Variants in RAPGEFL1 observed in about 807,000 individuals in gnomAD.
The protein encoded by RAPGEFL1 is rap guanine nucleotide exchange factor-like 1.
A neutral mutation model predicts 64.4 loss-of-function variants in RAPGEFL1; 31 were observed. That is an observed-to-expected ratio of 0.48 (90% CI 0.36 to 0.65). The LOEUF (loss-of-function observed/expected upper bound fraction) is 0.65, where lower values mean the gene tolerates loss of function less well. RAPGEFL1 is among the 30% of genes least tolerant of loss of function. The pLI is 0.00. For missense variants in RAPGEFL1, 682 were observed against 677.4 expected, an observed-to-expected ratio of 1.01 and a Z score of -0.08; for synonymous variants, 331 against 274.1, an observed-to-expected ratio of 1.21 and a Z score of -2.05.
chr17:40,181,190 G>A, intron 1 of RAPGEFL1: 1 of 391,838 alleles, frequency 2.6e-6, no homozygotes, highest in Non-Finnish European at 5.2e-6. Flanking sequence ...ATGGGGAGGG[G>A]AAGAGGGATA....
intron 1 of RAPGEFL1, among the ~76,000 whole-genome samples, chr17:40,180,615 C>A (rs575510650): frequency 1.3e-5 from 2 of 152,300 alleles, no homozygotes; most frequent in South Asian, 4.1e-4. Context: ...GAGAAAAGGA[C>A]AAAGACTCAG....
upstream of RAPGEFL1, chr17:40,177,136 A>T: frequency 4.3e-6 from 3 of 702,624 alleles, no homozygotes. Context: ...AGTATGAGAA[A>T]GGTGCACACT....
chr17:40,191,781 G>C lies in RAPGEFL1; in HGVS notation c.1605+109G>C. On this transcript the variant is annotated intron_variant, in intron 10 of 14. Coordinates refer to ENST00000620260, the MANE Select transcript of RAPGEFL1 (RefSeq NM_016339.6). This position sits in a 1 kb window ranked among gnomAD's most constrained non-coding sequence, Gnocchi z 5.1. ...CTGGAGGGAGTCTTTGCGCCAGTTG[G>C]AGGGAGGCGCCCTCTTCTGGCATAC... 1 of 1,119,174 alleles carries C rather than the reference G, an allele frequency of 8.9e-7. No homozygotes were observed. 69.3% of individuals were successfully genotyped at this position (1,119,174 alleles called of 1,614,324 possible).
At position 40,191,979 on chromosome 17, in the gene RAPGEFL1, A is replaced by G. The variant is rs565572592; in HGVS notation, c.1606-234A>G. Among the ~76,000 whole-genome samples, 1 of 152,294 alleles carries G rather than the reference A, an allele frequency of 6.6e-6. No individual in the cohort carries two copies. The highest frequency in any genetic ancestry group is 2.1e-4 in the South Asian group (1 of 4,826). The stretch of plus-strand genomic sequence containing the variant: ...CACTCAGTGGGGGCATCTTTATACA[A>G]AGCACCTGCATAAGACAGACCTGGC... On this transcript the variant is annotated intron_variant, in intron 10 of 14. Coordinates refer to ENST00000620260, the MANE Select transcript of RAPGEFL1 (RefSeq NM_016339.6). This position sits in a 1 kb window ranked among gnomAD's most constrained non-coding sequence, Gnocchi z 5.1.
At position 40,185,540 on chromosome 17, in the gene RAPGEFL1, A is replaced by AAAT. The variant is rs368909635; in HGVS notation, c.833+862_833+863insAAT. Among the ~76,000 whole-genome samples, 46 of 147,426 alleles carry AAAT rather than the reference A, an allele frequency of 3.1e-4. 1 individual carries two copies. The highest frequency in any genetic ancestry group is 1.1e-3 in the African/African-American group (44 of 38,694). ...ACTACAAAAAAAAAAAAAAAAAAAA[A>AAAT]GGCTGTGTGCCAAGGCAGGCAGATC... On this transcript the variant is annotated intron_variant, in intron 4 of 14. Transcript: ENST00000620260.
At chr17:40,186,484 C>A (rs549505838) in intron 4 of RAPGEFL1, among the ~76,000 whole-genome samples, 1 of 141,520 alleles carries the variant, frequency 7.1e-6, no homozygotes, top group East Asian at 2.3e-4. Context: ...AGGAGAATGG[C>A]GTGAACCCGG....
In RAPGEFL1 at chr17:40,188,693, G is replaced by A. The variant is rs1990159104; in HGVS notation, c.834-173G>A. On this transcript the variant is annotated intron_variant, in intron 4 of 14. Transcript: ENST00000620260. ...GGTGGCATTTGATTAGGGTTACTTG[G>A]ATAATTATCCCATACTGCTCATTGT... is the stretch of plus-strand genomic sequence containing the variant. 13 of 610,960 alleles carry A rather than the reference G, an allele frequency of 2.1e-5. No individual in the cohort carries two copies. The South Asian group carries it at 2.5e-4, about 12-fold the overall frequency. The allele number at this position is 610,960 out of a possible 1,614,324, so 37.8% of individuals were successfully genotyped here.
intron 10 of RAPGEFL1, 89 bp from the exon 11 acceptor site, chr17:40,192,124 C>A: frequency 7.9e-7 from 1 of 1,258,928 alleles, no homozygotes; most frequent in Non-Finnish European, 1.2e-6. Flanking sequence ...GGCCCTTTTG[C>A]CCTCCAACAG....
At chr17:40,186,417 A>C (rs1212144730) in intron 4 of RAPGEFL1, among the ~76,000 whole-genome samples, 1 of 149,306 alleles carries the variant, frequency 6.7e-6, no homozygotes, top group Non-Finnish European at 1.5e-5. Flanking sequence ...AAATACAAAA[A>C]ATTAGCCGGG....
rs1312074467 is a variant in RAPGEFL1, at chr17:40,191,554, C to T, written c.1515-28C>T. On this transcript the variant is annotated intron_variant, in intron 9 of 14. Coordinates refer to ENST00000620260, the MANE Select transcript of RAPGEFL1 (RefSeq NM_016339.6). The surrounding 1 kb of genome is among the most constrained non-coding windows in gnomAD (Gnocchi z 5.1). ...GGCCGGAGGCCCGCGCCGCCGCCCG[C>T]CCCTGACCCCGCCTCCCACCCCCGC... 6.4e-7 allele frequency: 1 copy of T among 1,569,714 alleles called. No homozygotes were observed. Among genetic ancestry groups the T allele is most frequent in the East Asian group, 2.3e-5 (1 of 42,792 alleles).
chr17:40,183,518 C>CTTTT (rs760848897), intron 2 of RAPGEFL1, among the ~76,000 whole-genome samples: 3 of 130,162 alleles, frequency 2.3e-5, no homozygotes, highest in Non-Finnish European at 5.0e-5. Flanking sequence ...CTTTTCTTTT[C>CTTTT]TTTTTTTTTT....
At position 40,177,613 on chromosome 17, in the gene RAPGEFL1, G is replaced by T; in HGVS notation, c.-249G>T. 2.6e-6 allele frequency: 1 copy of T among 390,374 alleles called. No individual in the cohort carries two copies. Among genetic ancestry groups the T allele is most frequent in the East Asian group, 3.9e-5 (1 of 25,346 alleles). 24.2% of individuals were successfully genotyped at this position (390,374 alleles called of 1,614,324 possible). ...CCGCAGCCTGCCCACTCTTCGGGCC[G>T]CGTGCCGGCTGCAGCCGGCATGGGG... On this transcript the variant is annotated 5_prime_UTR_variant, in exon 1 of 15. Coordinates refer to ENST00000620260, the MANE Select transcript of RAPGEFL1 (RefSeq NM_016339.6).
chr17:40,178,541 G>A (rs1477504663), intron 1 of RAPGEFL1, among the ~76,000 whole-genome samples, 160 bp downstream of exon 1: 1 of 152,160 alleles, frequency 6.6e-6, no homozygotes, highest in Admixed American at 6.5e-5. Context: ...AGACCCTCCC[G>A]CGGAAGAGGA....
In RAPGEFL1 at chr17:40,178,042, C is replaced by A; in HGVS notation, c.181C>A (p.Arg61Ser). 2 of 591,182 alleles carry A rather than the reference C, an allele frequency of 3.4e-6. No individual in the cohort carries two copies. The highest frequency in any genetic ancestry group is 6.0e-6 in the Non-Finnish European group (2 of 335,628). The allele number at this position is 591,182 out of a possible 1,614,324, so 36.6% of individuals were successfully genotyped here. The change falls in exon 1 of 15, where the codon CGC becomes AGC. Residue 61 changes from arginine (R) to serine (S), a missense_variant. By Grantham distance (110) the Arg-to-Ser change is moderately radical (BLOSUM62 -1). This residue lies in a region of RAPGEFL1 where 271 missense variants were observed against 158.0 expected (regional missense o/e 1.72). Transcript: ENST00000620260. ...RSLQRRQSVS[R>S]LLLPAFLREP... Reference sequence around the variant, plus strand: ...GTTGCAGCGGCGTCAGAGCGTGTCTCGCCTGCTGCTCCCCGCTTTCCTCCG... The same window carrying A: ...GTTGCAGCGGCGTCAGAGCGTGTCTAGCCTGCTGCTCCCCGCTTTCCTCCG...
chr17:40,177,629 C>A lies in RAPGEFL1; in HGVS notation c.-233C>A. 2 of 400,460 alleles carry A rather than the reference C, an allele frequency of 5.0e-6. No homozygotes were observed. The highest frequency in any genetic ancestry group is 7.6e-5 in the East Asian group (2 of 26,456). 24.8% of individuals were successfully genotyped at this position (400,460 alleles called of 1,614,324 possible). A position where few individuals can be genotyped will look rare whatever the true frequency, so the allele number is the denominator to read the frequency against. Reference sequence around the variant, plus strand: ...CTTCGGGCCGCGTGCCGGCTGCAGCCGGCATGGGGGGTTGCTGAGAGCGAG... The same window carrying A: ...CTTCGGGCCGCGTGCCGGCTGCAGCAGGCATGGGGGGTTGCTGAGAGCGAG... On this transcript the variant is annotated 5_prime_UTR_variant, in exon 1 of 15. Coordinates refer to ENST00000620260, the MANE Select transcript of RAPGEFL1 (RefSeq NM_016339.6).
At chr17:40,193,091 C>A in intron 13 of RAPGEFL1, 101 bp downstream of exon 13, 2 of 1,167,780 alleles carry the variant, frequency 1.7e-6, no homozygotes, top group Non-Finnish European at 2.6e-6. Context: ...CCTCCAAGTG[C>A]CCAGCTTGCC....
At chr17:40,189,144 G>A in intron 5 of RAPGEFL1, 64 bp from the exon 6 acceptor site, 1 of 1,559,122 alleles carries the variant, frequency 6.4e-7, no homozygotes, top group Non-Finnish European at 8.8e-7. Flanking sequence ...GCACCCTGGA[G>A]GAGACTGTGC....
chr17:40,185,608 A>G (rs1468147618), intron 4 of RAPGEFL1, among the ~76,000 whole-genome samples: 1 of 151,336 alleles, frequency 6.6e-6, no homozygotes, highest in Non-Finnish European at 1.5e-5. Context: ...ATATGGTGAA[A>G]CCCTGTCTCT....
rs762671165 is a variant in RAPGEFL1, at chr17:40,192,263, G to C, written c.1656G>C (p.Thr552=). 6.2e-7 allele frequency: 1 copy of C among 1,613,804 alleles called. No individual in the cohort carries two copies. The highest frequency in any genetic ancestry group is 8.5e-7 in the Non-Finnish European group (1 of 1,179,714). ...KNLFRKFENL[T]DPCRNHKSYR... ...TGTTTCGCAAATTTGAGAACCTGAC[G>C]GTGAGTGGGTTTGGCTCTTTCTTCT... Residue 552 remains threonine, a splice_region_variant and synonymous_variant, in exon 11 of 15, where the codon ACG becomes ACC. Transcript: ENST00000620260.
Sources: allele counts gnomAD v4.1 joint callset (sites outside exome capture counted in the v4.1 genomes callset), GRCh38; gene constraint gnomAD v4.1.1; regional missense constraint gnomAD v4.1.1; non-coding constraint Gnocchi (gnomAD v3.1); transcripts MANE v1.5; gene names NCBI Gene and HGNC (gene_info 2026-07-23, HGNC 2026-07-21).